The following AIG1 variants were observed in gnomAD, a reference collection of about 807,000 sequenced individuals.
AIG1 encodes the protein androgen induced 1, also known as androgen-induced gene 1 protein.
AIG1 carries 23 observed loss-of-function variants against 31.4 expected under a neutral mutation model. That is an observed-to-expected ratio of 0.73 (90% confidence interval 0.53 to 1.04). AIG1 has a LOEUF of 1.04. Ranked by LOEUF, AIG1 falls within the 50% of genes least tolerant of loss-of-function variation. The pLI is 0.00. For missense variants in AIG1, 274 were observed against 295.0 expected (o/e 0.93, Z 0.52); for synonymous variants, 100 against 110.5 (o/e 0.90, Z 0.60).
intron 2 of AIG1, among the ~76,000 whole-genome samples, chr6:143,141,166 A>T (rs911215721): frequency 6.6e-6 from 1 of 152,232 alleles, no homozygotes; most frequent in African/African-American, 2.4e-5. Flanking sequence ...TCAACTTTGC[A>T]CAAGTTTTCC....
At chr6:143,324,598 T>C (rs1776458585) in intron 4 of AIG1, among the ~76,000 whole-genome samples, 1 of 152,222 alleles carries the variant, frequency 6.6e-6, no homozygotes, top group Admixed American at 6.5e-5. Flanking sequence ...ACTTACTTAA[T>C]CTGTCTAGGC....
intron 2 of AIG1, among the ~76,000 whole-genome samples, chr6:143,164,590 C>T (rs1243244256): frequency 6.6e-6 from 1 of 152,120 alleles, no homozygotes; most frequent in South Asian, 2.1e-4. Flanking sequence ...GATTTTATAG[C>T]AGTGGTTTCA....
Position 143,293,651 on chromosome 6 carries a change from TG to T in AIG1, c.515+9427del, listed in dbSNP as rs1798211433. On this transcript the variant is annotated intron_variant, in intron 4 of 5. Coordinates refer to ENST00000357847, the MANE Select transcript of AIG1 (RefSeq NM_016108.4). This position sits in a 1 kb window ranked among gnomAD's most constrained non-coding sequence, Gnocchi z 4.8. Reference sequence around the variant, plus strand: ...CCAGTATTTATTATTCTGAGTTTTTTGTTCTCCTACCCCCAACAGCTGGTTC... The same window carrying T: ...CCAGTATTTATTATTCTGAGTTTTTTTTCTCCTACCCCCAACAGCTGGTTC... Among the ~76,000 whole-genome samples, 1 of 152,222 alleles carries T rather than the reference TG, an allele frequency of 6.6e-6. No homozygotes were observed. Among genetic ancestry groups the T allele is most frequent in the African/African-American group, 2.4e-5 (1 of 41,456 alleles).
intron 2 of AIG1, among the ~76,000 whole-genome samples, chr6:143,160,496 G>A (rs1786256832): frequency 6.6e-6 from 1 of 152,198 alleles, no homozygotes; most frequent in Non-Finnish European, 1.5e-5. Context: ...ACTGGAAAGT[G>A]ACTGTGCTCC....
chr6:143,290,077 A>C (rs1234760985), intron 4 of AIG1, among the ~76,000 whole-genome samples: 1 of 152,256 alleles, frequency 6.6e-6, no homozygotes, highest in Non-Finnish European at 1.5e-5. Flanking sequence ...AACCGAGTCC[A>C]AGATGAATGA....
intron 4 of AIG1, among the ~76,000 whole-genome samples, chr6:143,294,324 G>A (rs1798274641): frequency 6.6e-6 from 1 of 152,174 alleles, no homozygotes; most frequent in Non-Finnish European, 1.5e-5. Context: ...TCACAGCTGA[G>A]TGCCTTCAAA....
intron 1 of AIG1, among the ~76,000 whole-genome samples, chr6:143,073,831 C>T (rs781022711): frequency 2.6e-5 from 4 of 152,306 alleles, no homozygotes; most frequent in East Asian, 1.9e-4. Flanking sequence ...CCAGATCTCA[C>T]GAGAGGTCAC....
chr6:143,176,724 G>A (rs1788205228), intron 3 of AIG1, among the ~76,000 whole-genome samples: 1 of 152,240 alleles, frequency 6.6e-6, no homozygotes, highest in African/African-American at 2.4e-5. Context: ...ACCCCCAACA[G>A]CACACAGTTT....
chr6:143,112,928 A>C (rs557326654), intron 1 of AIG1, among the ~76,000 whole-genome samples: 1 of 152,338 alleles, frequency 6.6e-6, no homozygotes, highest in Admixed American at 6.5e-5. Flanking sequence ...TTTAGGACTT[A>C]GTTGAGACTT....
At position 143,290,408 on chromosome 6, in the gene AIG1, T is replaced by C. The variant is rs1206269118; in HGVS notation, c.515+6183T>C. 5.3e-5 allele frequency among the ~76,000 whole-genome samples: 8 copies of C among 152,352 alleles called. No individual in the cohort carries two copies. The East Asian group carries it at 1.5e-3, about 29-fold the overall frequency. On this transcript the variant is annotated intron_variant, in intron 4 of 5. Coordinates refer to ENST00000357847, the MANE Select transcript of AIG1 (RefSeq NM_016108.4). ...CTTTCCTTGGAGTGGGCTGCCCACATGCACAGTGGCCTGCCAGCACTTGGC... is the reference window on the plus strand; with the variant it reads ...CTTTCCTTGGAGTGGGCTGCCCACACGCACAGTGGCCTGCCAGCACTTGGC...
intron 3 of AIG1, among the ~76,000 whole-genome samples, chr6:143,198,875 G>T (rs1790465527): frequency 6.6e-6 from 1 of 152,172 alleles, no homozygotes; most frequent in African/African-American, 2.4e-5. Context: ...GTGCCAGTAT[G>T]TCTATTCTTG....
rs148700696 is a variant in AIG1, at chr6:143,274,783, A to G, written c.400-9327A>G. On this transcript the variant is annotated intron_variant, in intron 3 of 5. Coordinates refer to ENST00000357847, the MANE Select transcript of AIG1 (RefSeq NM_016108.4). Reference sequence around the variant, plus strand: ...GAATCAAATGTTGGCTACACCATTTATGAGTTCTACACTACCTTTGACAAG... The same window carrying G: ...GAATCAAATGTTGGCTACACCATTTGTGAGTTCTACACTACCTTTGACAAG... Among the ~76,000 whole-genome samples the G allele has an allele frequency of 1.1e-4, 16 of 151,988 alleles. No individual in the cohort carries two copies. The East Asian group carries it at 2.9e-3, about 28-fold the overall frequency.
chr6:143,104,219 T>C (rs1274830418), intron 1 of AIG1, among the ~76,000 whole-genome samples: 2 of 152,194 alleles, frequency 1.3e-5, no homozygotes, highest in African/African-American at 4.8e-5. Context: ...TCTGTGGAAA[T>C]AGAAATGATG....
At chr6:143,217,531 C>T (rs1327394823) in intron 3 of AIG1, among the ~76,000 whole-genome samples, 1 of 151,756 alleles carries the variant, frequency 6.6e-6, no homozygotes, top group Non-Finnish European at 1.5e-5. Context: ...TTTTTTGAGA[C>T]AGAGTCTCGC....
chr6:143,304,197 C>T (rs1311289524), intron 4 of AIG1, among the ~76,000 whole-genome samples: 2 of 151,984 alleles, frequency 1.3e-5, no homozygotes, highest in Non-Finnish European at 2.9e-5. Flanking sequence ...TTCCTCTTTT[C>T]CTAATTGAAT....
chr6:143,140,951 C>G (rs1169703999), intron 2 of AIG1, among the ~76,000 whole-genome samples: 2 of 152,238 alleles, frequency 1.3e-5, no homozygotes, highest in Non-Finnish European at 2.9e-5. Context: ...CTCTACCACC[C>G]TGACTGCTGG....
chr6:143,250,612 G>A (rs1236893499), intron 3 of AIG1, among the ~76,000 whole-genome samples: 1 of 152,120 alleles, frequency 6.6e-6, no homozygotes, highest in African/African-American at 2.4e-5. Context: ...GAAAGGCAGA[G>A]AGAAGTTAGA....
chr6:143,289,375 G>A, intron 4 of AIG1, among the ~76,000 whole-genome samples: 1 of 152,042 alleles, frequency 6.6e-6, no homozygotes, highest in East Asian at 1.9e-4. Context: ...CTATTTTAAT[G>A]TTAATCCTGG....
chr6:143,176,542 G>C (rs1009132292), intron 3 of AIG1, among the ~76,000 whole-genome samples: 1 of 151,576 alleles, frequency 6.6e-6, no homozygotes, highest in South Asian at 2.1e-4. Flanking sequence ...GGAGATTGGG[G>C]GTGTAGTTCC....
Sources: gnomAD v4.1 joint callset for allele counts (sites outside exome capture counted in the v4.1 genomes callset) on GRCh38, gnomAD v4.1.1 for gene constraint, Gnocchi (gnomAD v3.1) non-coding constraint, MANE v1.5 for transcripts, NCBI Gene and HGNC (gene_info 2026-07-23, HGNC 2026-07-21) for gene names.